Variants in DPP10 observed in about 807,000 individuals in gnomAD.
DPP10 encodes dipeptidyl peptidase like 10.
Under a neutral mutation model 120.9 loss-of-function variants are expected in DPP10, and 33 were observed. The observed-to-expected ratio is 0.27, with a 90% CI of 0.21 to 0.37. The LOEUF (loss-of-function observed/expected upper bound fraction) is 0.37, where lower values mean the gene tolerates loss of function less well. DPP10 is among the 10% of genes least tolerant of loss of function. The pLI, the probability that DPP10 is intolerant of heterozygous loss-of-function variation, is 1.00. For missense variants in DPP10, 816 were observed against 942.8 expected, an observed-to-expected ratio of 0.87 and a Z score of 1.76; for synonymous variants, 337 against 326.1, an observed-to-expected ratio of 1.03 and a Z score of -0.36.
intron 1 of DPP10, among the ~76,000 whole-genome samples, chr2:114,819,593 C>T (rs1346999603): frequency 1.3e-5 from 2 of 152,272 alleles, no homozygotes; most frequent in Non-Finnish European, 2.9e-5. Context: ...TGTTTGATTG[C>T]TTGTTTAAAG....
chr2:115,119,017 A>G (rs1196854896), intron 1 of DPP10, among the ~76,000 whole-genome samples: 1 of 152,160 alleles, frequency 6.6e-6, no homozygotes, highest in Non-Finnish European at 1.5e-5. Flanking sequence ...AGGCAACTTG[A>G]GAAATCCAAG....
At chr2:115,658,308 A>G (rs1031782933) in intron 5 of DPP10, among the ~76,000 whole-genome samples, 2 of 151,912 alleles carry the variant, frequency 1.3e-5, no homozygotes, top group African/African-American at 4.8e-5. Context: ...TTTATTTTGA[A>G]TAATGTTTTC....
chr2:115,661,524 A>G (rs1205810284), intron 5 of DPP10, among the ~76,000 whole-genome samples: 1 of 152,214 alleles, frequency 6.6e-6, no homozygotes, highest in Admixed American at 6.5e-5. Context: ...TGAAGTTCCT[A>G]GCATAGAAGT....
intron 3 of DPP10, among the ~76,000 whole-genome samples, chr2:115,419,085 G>T (rs2069700463): frequency 1.3e-5 from 2 of 152,144 alleles, no homozygotes; most frequent in African/African-American, 4.8e-5. Flanking sequence ...GCAACATCTA[G>T]TGTTTGACCA....
chr2:115,289,933 C>T (rs2060585171), intron 1 of DPP10, among the ~76,000 whole-genome samples: 1 of 152,038 alleles, frequency 6.6e-6, no homozygotes, highest in African/African-American at 2.4e-5. Flanking sequence ...GGACATTGGC[C>T]TAGGCAAAGA....
At chr2:115,246,636 C>T (rs578022901) in intron 1 of DPP10, among the ~76,000 whole-genome samples, 17 of 151,962 alleles carry the variant, frequency 1.1e-4, no homozygotes, top group African/African-American at 2.2e-4. Flanking sequence ...GGAGGAGAGG[C>T]GACAGAACGG....
chr2:115,345,244 T>C (rs7580309), intron 3 of DPP10, among the ~76,000 whole-genome samples: 8,691 of 152,298 alleles, frequency 0.057, 338 homozygotes, highest in Middle Eastern at 0.099. Context: ...AATGAATCTG[T>C]ATATTTTTAT....
chr2:114,470,531 G>A (rs1301508343), intron 1 of DPP10, among the ~76,000 whole-genome samples: 1 of 152,146 alleles, frequency 6.6e-6, no homozygotes, highest in South Asian at 2.1e-4. Flanking sequence ...TGGCTACAGG[G>A]ATATTTCTTT....
intron 1 of DPP10, among the ~76,000 whole-genome samples, chr2:114,907,046 T>A (rs1281020359): frequency 6.6e-6 from 1 of 152,136 alleles, no homozygotes; most frequent in Non-Finnish European, 1.5e-5. Flanking sequence ...TTTTCTTGAA[T>A]CAGTCTTGGT....
chr2:115,001,457 A>T (rs1244871023), intron 1 of DPP10, among the ~76,000 whole-genome samples: 1 of 152,196 alleles, frequency 6.6e-6, no homozygotes, highest in Non-Finnish European at 1.5e-5. Context: ...AATGGGCAAA[A>T]GCTGGAAGCA....
At chr2:115,734,485 G>T (rs552682534) in intron 8 of DPP10, among the ~76,000 whole-genome samples, 1 of 151,428 alleles carries the variant, frequency 6.6e-6, no homozygotes, top group African/African-American at 2.4e-5. Flanking sequence ...GTAAAACCCC[G>T]TCTCTAATAA....
chr2:115,171,753 G>A (rs1470009958), intron 1 of DPP10, among the ~76,000 whole-genome samples: 1 of 151,162 alleles, frequency 6.6e-6, no homozygotes, highest in Non-Finnish European at 1.5e-5. Context: ...GTTTTAAAAT[G>A]CTTTGTGTCC....
At chr2:115,367,295 A>G (rs1198336524) in intron 3 of DPP10, among the ~76,000 whole-genome samples, 1 of 151,994 alleles carries the variant, frequency 6.6e-6, no homozygotes, top group Non-Finnish European at 1.5e-5. Context: ...TTGGCAACAT[A>G]GCCTGGTGGT....
Position 115,739,807 on chromosome 2 carries a change from A to G in DPP10, c.766A>G (p.Ile256Val), listed in dbSNP as rs201988888. 1 of 1,613,584 alleles carries G rather than the reference A, an allele frequency of 6.2e-7. No homozygotes were observed. The highest frequency in any genetic ancestry group is 8.5e-7 in the Non-Finnish European group (1 of 1,179,602). The stretch of plus-strand genomic sequence containing the variant: ...TGGAGAAAGACTTGCCTTCCTGATG[A>G]TAAATGACTCTTTGGTACCCACCAT... ...PDGERLAFLM[I>V]NDSLVPTMVI... The change falls in exon 9 of 26, where the codon ATA (isoleucine) becomes GTA (valine). Residue 256 changes from isoleucine to valine, a missense_variant. Around this residue, in one of 3 missense-constraint regions of DPP10, gnomAD observed 592 missense variants for 649.0 expected, o/e 0.91. Coordinates refer to ENST00000410059, the MANE Select transcript of DPP10 (RefSeq NM_020868.6).
intron 3 of DPP10, chr2:115,468,106 G>A: frequency 8.3e-6 from 4 of 479,050 alleles, no homozygotes; most frequent in South Asian, 6.1e-5. Flanking sequence ...ATGTCCTCAA[G>A]TTTCTTACAG....
intron 4 of DPP10, among the ~76,000 whole-genome samples, chr2:115,509,146 C>A (rs527504795): frequency 6.6e-6 from 1 of 152,014 alleles, no homozygotes; most frequent in Admixed American, 6.6e-5. Flanking sequence ...AATATATTCC[C>A]GTTGAAGTGA....
chr2:114,835,205 A>ATG (rs1687617999), intron 1 of DPP10: 1 of 151,620 alleles, frequency 6.6e-6, no homozygotes, highest in African/African-American at 2.4e-5. Flanking sequence ...CTACATACCT[A>ATG]TGTATATATA....
At chr2:114,525,642 T>C (rs1685437536) in intron 1 of DPP10, among the ~76,000 whole-genome samples, 1 of 152,176 alleles carries the variant, frequency 6.6e-6, no homozygotes, top group African/African-American at 2.4e-5. Context: ...GATTCCAGTT[T>C]TGATTTTATC....
intron 1 of DPP10, among the ~76,000 whole-genome samples, chr2:114,956,881 C>G (rs1698245427): frequency 6.6e-6 from 1 of 150,592 alleles, no homozygotes; most frequent in Non-Finnish European, 1.5e-5. Flanking sequence ...GTTTGGAAAG[C>G]TGGAGATGAA....
Sources: gnomAD v4.1 joint callset for allele counts (sites outside exome capture counted in the v4.1 genomes callset) on GRCh38, gnomAD v4.1.1 for gene constraint, gnomAD v4.1.1 regional missense constraint, MANE v1.5 for transcripts, NCBI Gene and HGNC (gene_info 2026-07-23, HGNC 2026-07-21) for gene names.